Variants in EML6 observed in about 807,000 individuals in gnomAD.
EML6 encodes EMAP like 6, also known as echinoderm microtubule-associated protein-like 6.
Under a neutral mutation model 240.1 loss-of-function variants are expected in EML6, and 154 were observed. The ratio of observed to expected loss-of-function variants is 0.64; its 90% CI spans 0.56 to 0.73. The LOEUF (loss-of-function observed/expected upper bound fraction) is 0.73, where lower values mean the gene tolerates loss of function less well. Among genes scored for constraint, EML6 ranks in the 30% least tolerant of loss-of-function variants. The pLI is 0.00. For synonymous variants in EML6, 1,148 were observed against 899.0 expected (o/e 1.28, Z -4.95); for missense variants, 2,964 against 2,474.6 (o/e 1.20, Z -4.20).
At chr2:54,827,840 A>G in intron 6 of EML6, 89 bp downstream of exon 6, 3 of 924,722 alleles carry the variant, frequency 3.2e-6, no homozygotes, top group Non-Finnish European at 5.0e-6. Flanking sequence ...TTCTTGCTTT[A>G]GAATCAGAGA....
intron 21 of EML6, among the ~76,000 whole-genome samples, chr2:54,895,782 T>A (rs1423408153): frequency 6.6e-6 from 1 of 152,228 alleles, no homozygotes; most frequent in African/African-American, 2.4e-5. Flanking sequence ...AGGCTTTTTT[T>A]TTTCTTGCTG....
intron 2 of EML6, among the ~76,000 whole-genome samples, chr2:54,797,168 A>AAAAAAAAAAAAC (rs1285009313): frequency 7.9e-6 from 1 of 125,908 alleles, no homozygotes; most frequent in African/African-American, 2.8e-5. Flanking sequence ...CCATCTCAAA[A>AAAAAAAAAAAAC]AAAAAAAAAA....
rs1406874257 is a variant in EML6 at position 54,963,884 on chromosome 2, G to A, written c.5158-102G>A. On this transcript the variant is annotated intron_variant, in intron 36 of 41. Coordinates refer to ENST00000356458, the MANE Select transcript of EML6 (RefSeq NM_001039753.4). ...GCAAGAGATTTGGTGGCCTGCAGTG[G>A]CTGCGAGGGCAGCCTGACTTCTCTG... 3.8e-6 allele frequency: 4 copies of A among 1,062,534 alleles called. No homozygotes were observed. The African/African-American group carries it at 4.8e-5, about 13-fold the overall frequency. The allele number at this position is 1,062,534 out of a possible 1,614,324, so 65.8% of individuals were successfully genotyped here. A position where few individuals can be genotyped will look rare whatever the true frequency, so the allele number is the denominator to read the frequency against.
At chr2:54,875,345 C>T (rs942255927) in intron 16 of EML6, among the ~76,000 whole-genome samples, 1 of 152,192 alleles carries the variant, frequency 6.6e-6, no homozygotes, top group African/African-American at 2.4e-5. Context: ...CTACGTAGAC[C>T]TCCTTGTTTA....
chr2:54,767,822 A>C (rs1668249702), intron 2 of EML6, among the ~76,000 whole-genome samples: 1 of 152,028 alleles, frequency 6.6e-6, no homozygotes, highest in African/African-American at 2.4e-5. Flanking sequence ...AGTTTTTGCC[A>C]TGTTGCCCAG....
intron 17 of EML6, among the ~76,000 whole-genome samples, chr2:54,889,875 C>A (rs777473935): frequency 2.0e-5 from 3 of 152,172 alleles, no homozygotes; most frequent in Non-Finnish European, 4.4e-5. Context: ...AGTGTGCACA[C>A]ACAAATATGA....
intron 2 of EML6, among the ~76,000 whole-genome samples, chr2:54,764,078 A>G (rs1668085563): frequency 6.6e-6 from 1 of 152,166 alleles, no homozygotes; most frequent in African/African-American, 2.4e-5. Context: ...TATTTTGTTT[A>G]GGTTGGCAAA....
intron 14 of EML6, chr2:54,868,001 T>G (rs1466301426): frequency 6.6e-6 from 1 of 152,180 alleles, no homozygotes; most frequent in Non-Finnish European, 1.5e-5. Context: ...ACTGAGCACT[T>G]AAAATACGGC....
At chr2:54,831,386 A>G (rs1219607044) in intron 7 of EML6, among the ~76,000 whole-genome samples, 1 of 152,214 alleles carries the variant, frequency 6.6e-6, no homozygotes, top group Admixed American at 6.5e-5. Context: ...TGAGTCCTTG[A>G]GCCTGGCTCT....
intron 5 of EML6, among the ~76,000 whole-genome samples, chr2:54,826,659 G>T (rs1668611915): frequency 6.6e-6 from 1 of 152,166 alleles, no homozygotes; most frequent in Admixed American, 6.5e-5. Flanking sequence ...TTTAACCATA[G>T]GAGTGTCCTT....
chr2:54,727,470 A>T (rs1023171819), intron 2 of EML6, among the ~76,000 whole-genome samples: 1 of 152,244 alleles, frequency 6.6e-6, no homozygotes, highest in Non-Finnish European at 1.5e-5. Context: ...TTTGTCTTAC[A>T]TATGTAAATA....
In EML6 at chr2:54,964,017, C is replaced by T. The variant is rs1267168238; in HGVS notation, c.5189C>T (p.Ala1730Val). Residue 1730 changes from alanine to valine, a missense_variant, in exon 37 of 42, where the codon GCG becomes GTG. By Grantham distance (64) the Ala-to-Val change is moderately conservative (BLOSUM62 0). Coordinates refer to ENST00000356458, the MANE Select transcript of EML6 (RefSeq NM_001039753.4). ...KLLNKVSLGH[A>V]ARCAAYSPDG... ...TTAAACAAGGTGAGCTTGGGCCATG[C>T]GGCCAGGTGTGCAGCCTACAGCCCT... is the stretch of plus-strand genomic sequence containing the variant. The T allele has an allele frequency of 2.6e-5, 40 of 1,551,008 alleles. No individual in the cohort carries two copies. The East Asian group carries it at 5.6e-4, about 22-fold the overall frequency.
In EML6 at chr2:54,853,820, T is replaced by G. The variant is rs1347073924; in HGVS notation, c.1622T>G (p.Leu541Arg). 25 of 1,551,406 alleles carry G rather than the reference T, an allele frequency of 1.6e-5. No homozygotes were observed. In the Admixed American group the frequency reaches 4.9e-4, roughly 30 times the overall value. Residue 541 changes from leucine to arginine, a missense_variant, in exon 11 of 42, where the codon CTG (leucine) becomes CGG (arginine). Transcript: ENST00000356458. ...CTGGTGTCTGGAGATGATTTTGGACTGGTTAAATTGTTTAAATTTCCTTGT... is the reference window on the plus strand; with the variant it reads ...CTGGTGTCTGGAGATGATTTTGGACGGGTTAAATTGTTTAAATTTCCTTGT... ...SVLVSGDDFG[L>R]VKLFKFPCLK...
intron 17 of EML6, chr2:54,882,815 G>A (rs1044316007): frequency 8.5e-6 from 1 of 118,048 alleles, no homozygotes; most frequent in Non-Finnish European, 1.7e-5. Context: ...CCGAGATCAC[G>A]GCACTGCACT....
intron 25 of EML6, among the ~76,000 whole-genome samples, chr2:54,911,411 A>G (rs1336114150): frequency 2.0e-5 from 3 of 151,214 alleles, no homozygotes; most frequent in Admixed American, 6.6e-5. Context: ...AATTATGAAC[A>G]TTATTATCTA....
intron 28 of EML6, among the ~76,000 whole-genome samples, chr2:54,943,488 C>T (rs532779907): frequency 8.1e-4 from 123 of 152,284 alleles, no homozygotes; most frequent in Non-Finnish European, 1.5e-3. Context: ...ACATTTCTGC[C>T]GTCACCTTCC....
chr2:54,961,785 A>G (rs942132669), intron 35 of EML6, among the ~76,000 whole-genome samples: 1 of 151,778 alleles, frequency 6.6e-6, no homozygotes, highest in African/African-American at 2.4e-5. Context: ...CAGGCACATC[A>G]CTTGAGGTCA....
At chr2:54,804,632 C>G (rs952603827) in intron 2 of EML6, among the ~76,000 whole-genome samples, 1 of 152,168 alleles carries the variant, frequency 6.6e-6, no homozygotes, top group Non-Finnish European at 1.5e-5. Flanking sequence ...TATATTTCTC[C>G]AGGATCACTT....
At chr2:54,954,180 T>A (rs1372505461) in intron 32 of EML6, 24 bp downstream of exon 32, 3 of 1,545,366 alleles carry the variant, frequency 1.9e-6, no homozygotes, top group Non-Finnish European at 2.6e-6. Flanking sequence ...GGGCTTTCTG[T>A]CCCTCCAGGG....
Sources: gnomAD v4.1 joint callset for allele counts (sites outside exome capture counted in the v4.1 genomes callset) on GRCh38, gnomAD v4.1.1 for gene constraint, MANE v1.5 for transcripts, NCBI Gene and HGNC (gene_info 2026-07-23, HGNC 2026-07-21) for gene names.